NCKAP5: variants seen among roughly 807,000 people sequenced by gnomAD.
The protein encoded by NCKAP5 is NCK associated protein 5.
In NCKAP5, 92 loss-of-function variants were observed where a neutral mutation model predicts 167.0. That is an observed-to-expected ratio of 0.55 (90% CI 0.47 to 0.66). The LOEUF (loss-of-function observed/expected upper bound fraction) is 0.66, where lower values mean the gene tolerates loss of function less well. Ranked by LOEUF, NCKAP5 falls within the 30% of genes least tolerant of loss-of-function variation. The pLI is 0.00. For synonymous variants in NCKAP5, 891 were observed against 877.4 expected (o/e 1.02, Z -0.27); for missense variants, 2,378 against 2,315.0 (o/e 1.03, Z -0.56).
intron 16 of NCKAP5, among the ~76,000 whole-genome samples, chr2:132,769,771 T>C (rs1681859021): frequency 6.6e-6 from 1 of 152,238 alleles, no homozygotes; most frequent in Admixed American, 6.5e-5. Flanking sequence ...TTCTCATCAA[T>C]GTTGCATAAG....
intron 8 of NCKAP5, among the ~76,000 whole-genome samples, chr2:132,937,179 T>C (rs1440173275): frequency 6.6e-6 from 1 of 151,968 alleles, no homozygotes; most frequent in Non-Finnish European, 1.5e-5. Context: ...TTCTTGCAGG[T>C]AGGAAAATGT....
chr2:133,200,054 T>C (rs1007295900), intron 5 of NCKAP5, among the ~76,000 whole-genome samples: 14 of 131,976 alleles, frequency 1.1e-4, no homozygotes, highest in South Asian at 9.5e-4. Flanking sequence ...TGGCTTTTTT[T>C]TTCTTTCTTT....
At chr2:132,955,811 C>T (rs1451270148) in intron 8 of NCKAP5, among the ~76,000 whole-genome samples, 1 of 152,198 alleles carries the variant, frequency 6.6e-6, no homozygotes, top group Non-Finnish European at 1.5e-5. Context: ...ACATCCTTGC[C>T]AGCATCTGTT....
At chr2:133,120,113 A>T (rs982062201) in intron 6 of NCKAP5, among the ~76,000 whole-genome samples, 2 of 152,240 alleles carry the variant, frequency 1.3e-5, no homozygotes, top group African/African-American at 4.8e-5. Context: ...GCATGCTGTC[A>T]GTTGTTACTC....
At chr2:133,378,361 AT>A (rs1260076169) in intron 3 of NCKAP5, among the ~76,000 whole-genome samples, 1 of 152,154 alleles carries the variant, frequency 6.6e-6, no homozygotes, top group African/African-American at 2.4e-5. Flanking sequence ...ACTCTCACAA[AT>A]TTTTTTCCTG....
At chr2:133,450,490 C>T (rs1049247691) in intron 3 of NCKAP5, among the ~76,000 whole-genome samples, 8 of 152,262 alleles carry the variant, frequency 5.3e-5, no homozygotes, top group African/African-American at 1.9e-4. Flanking sequence ...ATTGACTATT[C>T]GGATGCATAC....
chr2:133,278,873 A>G (rs924932163), intron 4 of NCKAP5, among the ~76,000 whole-genome samples: 1 of 152,112 alleles, frequency 6.6e-6, no homozygotes, highest in African/African-American at 2.4e-5. Flanking sequence ...AACAATTCAC[A>G]AAACGACACG....
intron 3 of NCKAP5, among the ~76,000 whole-genome samples, chr2:133,470,155 G>C (rs1692938404): frequency 6.6e-6 from 1 of 152,026 alleles, no homozygotes. Context: ...TCTACTTTTG[G>C]TCTTTGATGA....
intron 7 of NCKAP5, among the ~76,000 whole-genome samples, chr2:132,974,946 G>A (rs1321879894): frequency 3.3e-5 from 5 of 152,226 alleles, no homozygotes; most frequent in South Asian, 2.1e-4. Flanking sequence ...CTGCTCCAGC[G>A]TGCCCTGGTT....
intron 3 of NCKAP5, among the ~76,000 whole-genome samples, chr2:133,312,548 C>A (rs1411570509): frequency 6.6e-6 from 1 of 152,186 alleles, no homozygotes; most frequent in East Asian, 1.9e-4. Context: ...AAATCCCCAG[C>A]CTAAAGACAA....
the NCKAP5 span, among the ~76,000 whole-genome samples, chr2:133,595,698 G>A: frequency 1.3e-5 from 2 of 152,046 alleles, no homozygotes; most frequent in Non-Finnish European, 2.9e-5. Flanking sequence ...TCTGTAAAGG[G>A]CTAGATGGTA....
In NCKAP5 at chr2:132,784,106, T is replaced by C. The variant is rs1421571408; in HGVS notation, c.2705A>G (p.Glu902Gly). 1.3e-6 allele frequency: 2 copies of C among 1,521,582 alleles called. No homozygotes were observed. The highest frequency in any genetic ancestry group is 1.8e-6 in the Non-Finnish European group (2 of 1,137,080). 94.3% of individuals were successfully genotyped at this position (1,521,582 alleles called of 1,614,324 possible). Reference sequence around the variant, plus strand: ...GGGGGGCTCTCCACTGTCACTAGACTCAATGGCAGGCCTTGACCGTGACCC... The same window carrying C: ...GGGGGGCTCTCCACTGTCACTAGACCCAATGGCAGGCCTTGACCGTGACCC... ...TPGSRSRPAI[E>G]SSDSGEPPTR... The change falls in exon 14 of 20, where the codon GAG becomes GGG. Residue 902 changes from glutamate to glycine, a missense_variant. Glu to Gly is a moderately conservative substitution (Grantham distance 98). This residue lies in a region of NCKAP5 where 1,325 missense variants were observed against 1,274.5 expected (regional missense o/e 1.04). Coordinates refer to ENST00000409261, the MANE Select transcript of NCKAP5 (RefSeq NM_207363.3).
intron 19 of NCKAP5, 61 bp from the exon 20 acceptor site, chr2:132,673,366 CTAA>C (rs1683986483): frequency 7.8e-7 from 1 of 1,287,904 alleles, no homozygotes; most frequent in African/African-American, 1.5e-5. Flanking sequence ...GTTATCCTAT[CTAA>C]TATTCAATTA....
intron 16 of NCKAP5, among the ~76,000 whole-genome samples, chr2:132,760,747 G>C (rs1199652979): frequency 1.3e-5 from 2 of 152,174 alleles, no homozygotes; most frequent in African/African-American, 2.4e-5. Flanking sequence ...CTGTTAACCT[G>C]AGTCTGCATT....
At chr2:133,002,206 T>C (rs1251973521) in intron 6 of NCKAP5, among the ~76,000 whole-genome samples, 2 of 152,168 alleles carry the variant, frequency 1.3e-5, no homozygotes, top group Non-Finnish European at 2.9e-5. Context: ...ACAGTAGTCT[T>C]CTTAGCCATG....
At chr2:133,640,681 C>A in the NCKAP5 span, among the ~76,000 whole-genome samples, 2 of 152,170 alleles carry the variant, frequency 1.3e-5, no homozygotes, top group Non-Finnish European at 2.9e-5. Flanking sequence ...TATTGATATT[C>A]ATTGTGTACA....
At chr2:132,749,363 C>T (rs113641183) in intron 16 of NCKAP5, among the ~76,000 whole-genome samples, 54 of 152,116 alleles carry the variant, frequency 3.5e-4, no homozygotes, top group African/African-American at 1.3e-3. Flanking sequence ...GCCACCATGC[C>T]TGGCTAATTT....
chr2:133,280,486 A>AACCTCC (rs2089896906), intron 4 of NCKAP5, among the ~76,000 whole-genome samples: 1 of 151,984 alleles, frequency 6.6e-6, no homozygotes, highest in Non-Finnish European at 1.5e-5. Flanking sequence ...GGCTCACCGC[A>AACCTCC]ACCTCCACCT....
intron 3 of NCKAP5, among the ~76,000 whole-genome samples, chr2:133,425,172 G>A (rs1689713543): frequency 6.6e-6 from 1 of 152,168 alleles, no homozygotes; most frequent in Non-Finnish European, 1.5e-5. Context: ...CCTGGTTAGG[G>A]GATCAAACCC....
Sources: gnomAD v4.1 joint callset for allele counts (sites outside exome capture counted in the v4.1 genomes callset) on GRCh38, gnomAD v4.1.1 for gene constraint, gnomAD v4.1.1 regional missense constraint, MANE v1.5 for transcripts, NCBI Gene and HGNC (gene_info 2026-07-23, HGNC 2026-07-21) for gene names.